Variants in SDK1 observed in about 807,000 individuals in gnomAD.
SDK1 encodes sidekick cell adhesion molecule 1, also known as protein sidekick-1.
A neutral mutation model predicts 245.5 loss-of-function variants in SDK1; 157 were observed. That is an observed-to-expected ratio of 0.64 (90% CI 0.56 to 0.73). SDK1 has a LOEUF of 0.73. SDK1 is among the 30% of genes least tolerant of loss of function. The pLI is 0.00. For synonymous variants in SDK1, 1,647 were observed against 1,278.5 expected (o/e 1.29, Z -6.15); for missense variants, 3,583 against 3,002.3 (o/e 1.19, Z -4.52).
chr7:3,400,176 G>A (rs1353399098), intron 1 of SDK1, among the ~76,000 whole-genome samples: 1 of 151,658 alleles, frequency 6.6e-6, no homozygotes, highest in Non-Finnish European at 1.5e-5. Flanking sequence ...CTGGTTCTTA[G>A]CCTACTGTGA....
chr7:3,650,623 C>G (rs1161507462), intron 4 of SDK1, among the ~76,000 whole-genome samples: 1 of 152,162 alleles, frequency 6.6e-6, no homozygotes, highest in Non-Finnish European at 1.5e-5. Flanking sequence ...AGGATACTGA[C>G]TTTGATACAT....
rs576024316 is a variant in SDK1, at chr7:3,579,428, A to G, written c.299-39652A>G. Among the ~76,000 whole-genome samples, 14 of 152,366 alleles carry G rather than the reference A, an allele frequency of 9.2e-5. No homozygotes were observed. In the East Asian group the frequency reaches 2.1e-3, roughly 23 times the overall value. On this transcript the variant is annotated intron_variant, in intron 1 of 44. Transcript: ENST00000404826. ...AAACAGAACTAAAGACAAAAATCAC[A>G]TGATTATCTCAATAGGTGCAGAAAA... is the stretch of plus-strand genomic sequence containing the variant.
intron 32 of SDK1, among the ~76,000 whole-genome samples, chr7:4,165,930 G>T (rs1014677596): frequency 6.6e-6 from 1 of 152,114 alleles, no homozygotes; most frequent in Non-Finnish European, 1.5e-5. Flanking sequence ...AGGACTACAG[G>T]TGTGCACCAC....
intron 4 of SDK1, among the ~76,000 whole-genome samples, chr7:3,666,792 G>T (rs1453884524): frequency 6.6e-6 from 1 of 152,184 alleles, no homozygotes; most frequent in African/African-American, 2.4e-5. Flanking sequence ...AATGATGTCA[G>T]TGGTGAGATC....
intron 1 of SDK1, chr7:3,302,086 C>G (rs142471049): frequency 1.5e-5 from 4 of 261,820 alleles, no homozygotes; most frequent in Non-Finnish European, 1.9e-5. Flanking sequence ...GCCTGCACCC[C>G]GTCTGCTACT....
At chr7:3,866,513 G>A (rs1290755763) in intron 5 of SDK1, among the ~76,000 whole-genome samples, 2 of 151,942 alleles carry the variant, frequency 1.3e-5, no homozygotes, top group African/African-American at 4.8e-5. Flanking sequence ...AAGAAGGCCA[G>A]AATAGCTGGG....
chr7:3,710,648 C>G (rs1562388057), intron 4 of SDK1, among the ~76,000 whole-genome samples: 2 of 152,208 alleles, frequency 1.3e-5, no homozygotes. Flanking sequence ...CTTCGACACT[C>G]TCGTAAATTA....
chr7:3,603,435 T>C (rs1781313528), intron 1 of SDK1, among the ~76,000 whole-genome samples: 1 of 151,268 alleles, frequency 6.6e-6, no homozygotes, highest in East Asian at 1.9e-4. Context: ...TTTTATTCTC[T>C]TTGAAGGAAT....
chr7:4,198,957 G>A (rs1200969917), intron 35 of SDK1, among the ~76,000 whole-genome samples: 1 of 151,888 alleles, frequency 6.6e-6, no homozygotes, highest in Non-Finnish European at 1.5e-5. Flanking sequence ...GAAATTACAG[G>A]CACGCACCAC....
chr7:3,683,250 A>G (rs1784165034), intron 4 of SDK1, among the ~76,000 whole-genome samples: 1 of 152,148 alleles, frequency 6.6e-6, no homozygotes, highest in African/African-American at 2.4e-5. Context: ...TGCTTCCCCA[A>G]TGTTGATAAC....
intron 1 of SDK1, among the ~76,000 whole-genome samples, chr7:3,355,085 A>G (rs1246865718): frequency 2.0e-5 from 3 of 152,154 alleles, no homozygotes; most frequent in African/African-American, 7.2e-5. Context: ...TTTCTTAGTC[A>G]TGTTATTTGT....
chr7:4,247,951 A>G (rs1787003466), intron 44 of SDK1, among the ~76,000 whole-genome samples: 1 of 152,182 alleles, frequency 6.6e-6, no homozygotes, highest in African/African-American at 2.4e-5. Flanking sequence ...GGTGTGTCCT[A>G]GAGCAGGCGG....
At chr7:3,466,666 A>C (rs1438366198) in intron 1 of SDK1, among the ~76,000 whole-genome samples, 1 of 151,450 alleles carries the variant, frequency 6.6e-6, no homozygotes, top group Non-Finnish European at 1.5e-5. Flanking sequence ...TATCACTTAA[A>C]ATAATAACTG....
chr7:3,474,155 C>T (rs936882562), intron 1 of SDK1, among the ~76,000 whole-genome samples: 1 of 123,052 alleles, frequency 8.1e-6, no homozygotes, highest in Admixed American at 1.0e-4. Flanking sequence ...CAGGCTGGGG[C>T]GCGGTGGCTC....
intron 30 of SDK1, 41 bp from the exon 31 acceptor site, chr7:4,158,407 G>C: frequency 6.6e-7 from 1 of 1,517,490 alleles, no homozygotes. Context: ...GCAGGACAGG[G>C]TGGCAGGGCC....
At chr7:4,219,093 G>A (rs78250962) in intron 38 of SDK1, among the ~76,000 whole-genome samples, 3,909 of 152,246 alleles carry the variant, frequency 0.026, 73 homozygotes, top group South Asian at 0.047. Flanking sequence ...GTTTGAGGAC[G>A]TTTGTCTCTA....
At chr7:4,246,705 G>A (rs1310812720) in intron 44 of SDK1, among the ~76,000 whole-genome samples, 1 of 152,092 alleles carries the variant, frequency 6.6e-6, no homozygotes, top group East Asian at 1.9e-4. Flanking sequence ...ATCCAGACTT[G>A]GGATGTGTTC....
chr7:4,210,186 G>A (rs1437507018), intron 38 of SDK1, 24 bp downstream of exon 38: 24 of 1,515,078 alleles, frequency 1.6e-5, no homozygotes, highest in Non-Finnish European at 2.0e-5. Flanking sequence ...TTGGGGAGAT[G>A]GGAGCGCGGG....
chr7:4,199,697 G>A (rs999731333), intron 35 of SDK1, among the ~76,000 whole-genome samples: 3 of 152,146 alleles, frequency 2.0e-5, no homozygotes, highest in Non-Finnish European at 4.4e-5. Flanking sequence ...TGGAAGGAGA[G>A]TGTCCCCTGT....
Sources: allele counts gnomAD v4.1 joint callset (sites outside exome capture counted in the v4.1 genomes callset), GRCh38; gene constraint gnomAD v4.1.1; transcripts MANE v1.5; gene names NCBI Gene and HGNC (gene_info 2026-07-23, HGNC 2026-07-21).